The following CADPS variants were observed in gnomAD, a reference collection of about 807,000 sequenced individuals.
CADPS encodes calcium dependent secretion activator, also known as calcium-dependent secretion activator 1.
CADPS carries 57 observed loss-of-function variants against 167.3 expected under a neutral mutation model. The observed-to-expected ratio is 0.34, with a 90% CI of 0.28 to 0.42. The LOEUF (loss-of-function observed/expected upper bound fraction) is 0.42, where lower values mean the gene tolerates loss of function less well. Ranked by LOEUF, CADPS falls within the 20% of genes least tolerant of loss-of-function variation. The pLI is 1.00. For synonymous variants in CADPS, 676 were observed against 635.3 expected, an observed-to-expected ratio of 1.06 and a Z score of -0.96; for missense variants, 1,414 against 1,738.1, an observed-to-expected ratio of 0.81 and a Z score of 3.32.
At chr3:62,416,752 C>A (rs1474424141) in intron 28 of CADPS, among the ~76,000 whole-genome samples, 2 of 152,202 alleles carry the variant, frequency 1.3e-5, no homozygotes, top group Non-Finnish European at 2.9e-5. Context: ...GAGGTTCTTC[C>A]TGGGGGACCA....
At chr3:62,828,838 G>A (rs992324406) in intron 1 of CADPS, among the ~76,000 whole-genome samples, 6 of 151,976 alleles carry the variant, frequency 3.9e-5, no homozygotes, top group African/African-American at 1.5e-4. Flanking sequence ...CCAATAAATG[G>A]GATGCTTACT....
Position 62,753,756 on chromosome 3 carries a change from G to A in CADPS, c.573C>T (p.Asp191=). The change falls in exon 3 of 30, where the codon GAC becomes GAT. Residue 191 remains aspartate, a synonymous_variant. Transcript: ENST00000383710. The surrounding 1 kb of genome is among the most constrained non-coding windows in gnomAD (Gnocchi z 4.6). ...CACTCTGAACCATGCGGGCCACACGGTCGCTCTTCAGGAACACCTGAGCAA... is the reference window on the plus strand; with the variant it reads ...CACTCTGAACCATGCGGGCCACACGATCGCTCTTCAGGAACACCTGAGCAA... ...QSYYEVFLKS[D]RVARMVQSGG... 1 of 1,612,840 alleles carries A rather than the reference G, an allele frequency of 6.2e-7. No individual in the cohort carries two copies. The highest frequency in any genetic ancestry group is 8.5e-7 in the Non-Finnish European group (1 of 1,179,102).
In CADPS at chr3:62,748,665, T is replaced by C. The variant is rs574611015; in HGVS notation, c.888+4776A>G. 1.2e-4 allele frequency among the ~76,000 whole-genome samples: 18 copies of C among 152,294 alleles called. 1 individual carries two copies. In the East Asian group the frequency reaches 3.5e-3, roughly 29 times the overall value. On this transcript the variant is annotated intron_variant, in intron 3 of 29. Coordinates refer to ENST00000383710, the MANE Select transcript of CADPS (RefSeq NM_003716.4). The stretch of plus-strand genomic sequence containing the variant: ...ATGAAGATGGAAAGCAGGTCTGTCT[T>C]AGCCTCATTTCTCAGATAATAAAAC...
chr3:62,590,586 G>C (rs1294786697), intron 7 of CADPS, among the ~76,000 whole-genome samples: 1 of 152,012 alleles, frequency 6.6e-6, no homozygotes, highest in Non-Finnish European at 1.5e-5. Context: ...CTATGCTGCA[G>C]TAATATGACT....
intron 8 of CADPS, among the ~76,000 whole-genome samples, chr3:62,579,482 G>A (rs577094881): frequency 1.3e-5 from 2 of 152,286 alleles, no homozygotes; most frequent in Admixed American, 1.3e-4. Flanking sequence ...AGAAGTATAT[G>A]ATATACATGA....
At chr3:62,609,175 C>T (rs1375327713) in intron 6 of CADPS, among the ~76,000 whole-genome samples, 2 of 152,100 alleles carry the variant, frequency 1.3e-5, no homozygotes, top group East Asian at 1.9e-4. Context: ...CTTAATGCTT[C>T]TAAGGTTCTT....
At chr3:62,493,916 TAA>T (rs1410101308) in intron 18 of CADPS, among the ~76,000 whole-genome samples, 1 of 152,234 alleles carries the variant, frequency 6.6e-6, no homozygotes, top group Non-Finnish European at 1.5e-5. Flanking sequence ...AAGTATTCAT[TAA>T]GTTTACATTA....
At chr3:62,641,152 C>T (rs1452354937) in intron 6 of CADPS, among the ~76,000 whole-genome samples, 2 of 152,078 alleles carry the variant, frequency 1.3e-5, no homozygotes, top group Non-Finnish European at 2.9e-5. Context: ...AAAGACAAAA[C>T]AGCACCACCA....
intron 1 of CADPS, among the ~76,000 whole-genome samples, chr3:62,822,282 C>A (rs2094957281): frequency 6.6e-6 from 1 of 152,200 alleles, no homozygotes; most frequent in African/African-American, 2.4e-5. Flanking sequence ...CTGCCTACCA[C>A]ATCACCCTTG....
intron 26 of CADPS, among the ~76,000 whole-genome samples, chr3:62,463,671 C>T (rs775891527): frequency 2.6e-5 from 4 of 152,322 alleles, no homozygotes; most frequent in Non-Finnish European, 4.4e-5. Flanking sequence ...GCTGTGTGAC[C>T]TCAGACAAAT....
intron 6 of CADPS, among the ~76,000 whole-genome samples, chr3:62,624,913 G>C (rs2063777987): frequency 6.6e-6 from 1 of 152,068 alleles, no homozygotes; most frequent in Non-Finnish European, 1.5e-5. Flanking sequence ...CCAGGTATGA[G>C]CACCTGACCC....
intron 28 of CADPS, among the ~76,000 whole-genome samples, chr3:62,430,898 G>A (rs1363369360): frequency 6.6e-6 from 1 of 151,984 alleles, no homozygotes; most frequent in Non-Finnish European, 1.5e-5. Flanking sequence ...TTTGGGGCTC[G>A]AAAATAGATG....
At chr3:62,821,837 A>G (rs1360865739) in intron 1 of CADPS, among the ~76,000 whole-genome samples, 12 of 152,220 alleles carry the variant, frequency 7.9e-5, no homozygotes, top group Admixed American at 7.9e-4. Context: ...AACTCAAGGT[A>G]TCATAAGACC....
intron 8 of CADPS, among the ~76,000 whole-genome samples, chr3:62,577,931 GA>G (rs1156323978): frequency 6.6e-6 from 1 of 151,976 alleles, no homozygotes; most frequent in East Asian, 1.9e-4. Context: ...AGAAAAATAG[GA>G]AAAAGGTAAC....
At chr3:62,774,184 G>C (rs572192320) in intron 1 of CADPS, among the ~76,000 whole-genome samples, 1 of 152,210 alleles carries the variant, frequency 6.6e-6, no homozygotes, top group African/African-American at 2.4e-5. Flanking sequence ...GGGACGAAAA[G>C]AAGAGAAGGA....
rs2074009761 is a variant in CADPS at position 62,532,895 on chromosome 3, C to G, written c.2267G>C (p.Cys756Ser). 6.2e-7 allele frequency: 1 copy of G among 1,613,648 alleles called. No homozygotes were observed. The highest frequency in any genetic ancestry group is 1.1e-5 in the South Asian group (1 of 91,064). ...PTLLHYSFAFCASHVHGNRPD... is the reference protein window; with the variant it reads ...PTLLHYSFAFSASHVHGNRPD... ...CCTGTTCCCATGGACATGGGATGCA[C>G]AGAAGGCAAAGCTGTAGTGAAGAAG... is the stretch of plus-strand genomic sequence containing the variant. Residue 756 changes from cysteine (C) to serine (S), a missense_variant, in exon 13 of 30, where the codon TGT becomes TCT. Around this residue, in one of 6 missense-constraint regions of CADPS, gnomAD observed 529 missense variants for 629.6 expected, o/e 0.84. Coordinates refer to ENST00000383710, the MANE Select transcript of CADPS (RefSeq NM_003716.4).
At chr3:62,599,842 A>T (rs193174930) in intron 6 of CADPS, among the ~76,000 whole-genome samples, 25,896 of 33,244 alleles carry the variant, frequency 0.78, 10,245 homozygotes, top group East Asian at 0.94. Flanking sequence ...ATAATATATT[A>T]TATATATATA....
intron 13 of CADPS, among the ~76,000 whole-genome samples, chr3:62,528,908 C>G (rs2072990982): frequency 6.6e-6 from 1 of 152,136 alleles, no homozygotes; most frequent in Non-Finnish European, 1.5e-5. Flanking sequence ...CCTGTAATCC[C>G]AGCACTTTAG....
intron 8 of CADPS, among the ~76,000 whole-genome samples, chr3:62,584,307 G>A (rs559489728): frequency 3.9e-5 from 6 of 152,004 alleles, no homozygotes; most frequent in Admixed American, 1.3e-4. Flanking sequence ...GTGCCCAGCC[G>A]TAACCCTCAT....
Sources: allele counts gnomAD v4.1 joint callset (sites outside exome capture counted in the v4.1 genomes callset), GRCh38; gene constraint gnomAD v4.1.1; regional missense constraint gnomAD v4.1.1; non-coding constraint Gnocchi (gnomAD v3.1); transcripts MANE v1.5; gene names NCBI Gene and HGNC (gene_info 2026-07-23, HGNC 2026-07-21).